The following GRIK2 variants were observed in gnomAD, a reference collection of about 807,000 sequenced individuals.
GRIK2 encodes the protein glutamate receptor ionotropic, kainate 2.
A neutral mutation model predicts 100.3 loss-of-function variants in GRIK2; 32 were observed. The observed-to-expected ratio is 0.32, with a 90% CI of 0.24 to 0.43. The LOEUF is 0.43. GRIK2 is among the 20% of genes least tolerant of loss of function. The pLI is 1.00. For synonymous variants in GRIK2, 417 were observed against 389.4 expected (o/e 1.07, Z -0.83); for missense variants, 843 against 1,114.9 (o/e 0.76, Z 3.47).
At chr6:101,941,576 T>G (rs544645384) in intron 14 of GRIK2, among the ~76,000 whole-genome samples, 1 of 152,080 alleles carries the variant, frequency 6.6e-6, no homozygotes, top group African/African-American at 2.4e-5. Flanking sequence ...TTTAAAAATA[T>G]GTTTTGACAG....
At position 101,606,177 on chromosome 6, in the gene GRIK2, A is replaced by T. The variant is rs79075965; in HGVS notation, c.116-15772A>T. Among the ~76,000 whole-genome samples the T allele has an allele frequency of 5.3e-5, 8 of 152,102 alleles. No individual in the cohort carries two copies. The East Asian group carries it at 1.6e-3, about 30-fold the overall frequency. ...TTCCTCCAGACAGGTACATGACTCAAACTGGGCTGACAGGGGACTTAGGTT... is the reference window on the plus strand; with the variant it reads ...TTCCTCCAGACAGGTACATGACTCATACTGGGCTGACAGGGGACTTAGGTT... On this transcript the variant is annotated intron_variant, in intron 2 of 16. Coordinates refer to ENST00000369134, the MANE Select transcript of GRIK2 (RefSeq NM_021956.5).
intron 4 of GRIK2, among the ~76,000 whole-genome samples, chr6:101,652,025 G>T (rs1781820066): frequency 6.6e-6 from 1 of 152,192 alleles, no homozygotes; most frequent in African/African-American, 2.4e-5. Flanking sequence ...GGTATGTCAT[G>T]TAAATGAAGG....
chr6:101,639,337 T>A (rs972651080), intron 4 of GRIK2, among the ~76,000 whole-genome samples: 1 of 152,186 alleles, frequency 6.6e-6, no homozygotes, highest in African/African-American at 2.4e-5. Flanking sequence ...CACAGCCAGA[T>A]AACTGATTTT....
intron 4 of GRIK2, among the ~76,000 whole-genome samples, chr6:101,631,441 C>G (rs776511813): frequency 7.2e-5 from 11 of 152,036 alleles, no homozygotes; most frequent in African/African-American, 1.9e-4. Flanking sequence ...TCAGAAAATA[C>G]AAGAAGGGAA....
At chr6:101,844,746 A>C (rs930747101) in intron 10 of GRIK2, among the ~76,000 whole-genome samples, 7 of 152,156 alleles carry the variant, frequency 4.6e-5, no homozygotes, top group African/African-American at 1.7e-4. Flanking sequence ...GACATGTCTC[A>C]TTTTTTTCTT....
rs1775141482 is a variant in GRIK2 at position 101,399,162 on chromosome 6, C to T, written c.-116C>T. The T allele has an allele frequency of 2.9e-6, 2 of 700,444 alleles. No homozygotes were observed. The highest frequency in any genetic ancestry group is 5.3e-6 in the Non-Finnish European group (2 of 378,670). The allele number at this position is 700,444 out of a possible 1,614,324, so 43.4% of individuals were successfully genotyped here. On this transcript the variant is annotated 5_prime_UTR_variant, in exon 2 of 17. Coordinates refer to ENST00000369134, the MANE Select transcript of GRIK2 (RefSeq NM_021956.5). ...CGGAGACTCCTTCCTCTCTCTATGA[C>T]CATGCCGTGATCGTGTCTGCGGTCA...
intron 4 of GRIK2, among the ~76,000 whole-genome samples, chr6:101,635,736 A>G (rs1780973805): frequency 6.6e-6 from 1 of 152,228 alleles, no homozygotes. Flanking sequence ...TGTGGCCAAC[A>G]AACATATGAA....
intron 7 of GRIK2, among the ~76,000 whole-genome samples, chr6:101,713,071 A>G (rs189308347): frequency 6.6e-6 from 1 of 151,948 alleles, no homozygotes; most frequent in African/African-American, 2.4e-5. Context: ...ATAAAGAATA[A>G]GAGAATAGCT....
At chr6:101,584,728 C>T (rs993294122) in intron 2 of GRIK2, among the ~76,000 whole-genome samples, 8 of 151,844 alleles carry the variant, frequency 5.3e-5, no homozygotes, top group Non-Finnish European at 1.0e-4. Context: ...TATAATATAC[C>T]TAGAAAACTC....
intron 14 of GRIK2, among the ~76,000 whole-genome samples, chr6:101,968,881 T>C (rs1030587628): frequency 2.0e-5 from 3 of 152,064 alleles, no homozygotes; most frequent in Non-Finnish European, 4.4e-5. Context: ...ATTTCCAATA[T>C]AAATTTATTC....
chr6:101,884,533 G>C (rs1204797205), intron 11 of GRIK2, among the ~76,000 whole-genome samples: 3 of 151,994 alleles, frequency 2.0e-5, no homozygotes, highest in Middle Eastern at 3.2e-3. Flanking sequence ...GATATGCTTT[G>C]TTATCTAATT....
chr6:101,600,000 A>T (rs621883), intron 2 of GRIK2, among the ~76,000 whole-genome samples: 55,910 of 151,496 alleles, frequency 0.37, 11,094 homozygotes, highest in African/African-American at 0.52. Flanking sequence ...GAATGATGTT[A>T]CCTAGGTTTT....
At chr6:101,558,910 T>C (rs1776867302) in intron 2 of GRIK2, among the ~76,000 whole-genome samples, 1 of 152,068 alleles carries the variant, frequency 6.6e-6, no homozygotes, top group Non-Finnish European at 1.5e-5. Context: ...AAACCAGATA[T>C]GGTAAAAATA....
At chr6:101,985,899 C>T (rs182807508) in intron 14 of GRIK2, among the ~76,000 whole-genome samples, 3 of 151,764 alleles carry the variant, frequency 2.0e-5, no homozygotes, top group Non-Finnish European at 2.9e-5. Flanking sequence ...CCCCTCATTA[C>T]AAAATTATGC....
At chr6:101,849,112 T>G (rs1783970458) in intron 10 of GRIK2, among the ~76,000 whole-genome samples, 1 of 151,930 alleles carries the variant, frequency 6.6e-6, no homozygotes, top group African/African-American at 2.4e-5. Context: ...ACTTGCTGCC[T>G]TATACTATCT....
At chr6:101,754,764 A>G (rs1014145148) in intron 7 of GRIK2, among the ~76,000 whole-genome samples, 1 of 152,222 alleles carries the variant, frequency 6.6e-6, no homozygotes, top group African/African-American at 2.4e-5. Context: ...GGAACGAGGG[A>G]TGAGTGATCC....
At chr6:101,526,106 CTCTA>C (rs1775141604) in intron 2 of GRIK2, among the ~76,000 whole-genome samples, 2 of 152,184 alleles carry the variant, frequency 1.3e-5, no homozygotes, top group African/African-American at 2.4e-5. Context: ...AGACCAACTG[CTCTA>C]TCTGTCCGAC....
At chr6:101,766,224 TGTTCAG>T (rs1349607506) in intron 7 of GRIK2, among the ~76,000 whole-genome samples, 1 of 151,988 alleles carries the variant, frequency 6.6e-6, no homozygotes, top group African/African-American at 2.4e-5. Context: ...TTTGGGCTTT[TGTTCAG>T]GTTGCTTTTA....
At chr6:101,674,890 ATTG>A (rs1241418468) in intron 4 of GRIK2, among the ~76,000 whole-genome samples, 1 of 152,124 alleles carries the variant, frequency 6.6e-6, no homozygotes, top group Non-Finnish European at 1.5e-5. Flanking sequence ...CACATTTTTT[ATTG>A]TTAATTGATA....
Sources: allele counts gnomAD v4.1 joint callset (sites outside exome capture counted in the v4.1 genomes callset), GRCh38; gene constraint gnomAD v4.1.1; transcripts MANE v1.5; gene names NCBI Gene and HGNC (gene_info 2026-07-23, HGNC 2026-07-21).